Variants in LAMB1 observed in about 807,000 individuals in gnomAD.
LAMB1 encodes laminin subunit beta-1.
A neutral mutation model predicts 222.3 loss-of-function variants in LAMB1; 121 were observed. The observed-to-expected ratio is 0.54, with a 90% CI of 0.47 to 0.63. The LOEUF (loss-of-function observed/expected upper bound fraction) is 0.63. LAMB1 is among the 30% of genes least tolerant of loss of function. The pLI, the probability that LAMB1 is intolerant of heterozygous loss-of-function variation, is 0.00. For missense variants in LAMB1, 2,172 were observed against 2,240.8 expected (o/e 0.97, Z 0.62); for synonymous variants, 794 against 807.2 (o/e 0.98, Z 0.28).
chr7:107,965,566 T>A (rs1249518249), intron 13 of LAMB1, among the ~76,000 whole-genome samples: 1 of 151,054 alleles, frequency 6.6e-6, no homozygotes, highest in East Asian at 2.0e-4. Flanking sequence ...GCAACAAGAG[T>A]GAAACTTCTG....
In LAMB1 at chr7:107,951,143, T is replaced by G. The variant is rs1389824380; in HGVS notation, c.3391+83A>C. 11 of 973,858 alleles carry G rather than the reference T, an allele frequency of 1.1e-5. No individual in the cohort carries two copies. In the East Asian group the frequency reaches 1.7e-4, roughly 15 times the overall value. 60.3% of individuals were successfully genotyped at this position (973,858 alleles called of 1,614,324 possible). On this transcript the variant is annotated intron_variant, in intron 24 of 33. Transcript: ENST00000222399. ...ATAGACACGTTAATTTGTACTGTGT[T>G]TTATAATTTACAGAAGGCTCTTGTA...
At chr7:107,976,992 CCTCCTTCCTTCCTTTCCTCTCT>C (rs1563000212) in intron 9 of LAMB1, among the ~76,000 whole-genome samples, 3 of 90,280 alleles carry the variant, frequency 3.3e-5, no homozygotes, top group Non-Finnish European at 4.8e-5. Flanking sequence ...CTTTCCTCTT[CCTCCTTCCTTCCTTTCCTCTCT>C]CTCCTTCCTT....
At chr7:107,977,927 G>A (rs2033899964) in intron 9 of LAMB1, 120 bp downstream of exon 9, 11 of 1,109,216 alleles carry the variant, frequency 9.9e-6, no homozygotes, top group Non-Finnish European at 1.4e-5. Flanking sequence ...GGGTGAAGCT[G>A]GAAAAAAGAC....
chr7:107,932,376 G>T lies in LAMB1; in HGVS notation c.4190C>A (p.Thr1397Asn). Residue 1397 changes from threonine to asparagine, a missense_variant and splice_region_variant, in exon 28 of 34, where the codon ACC becomes AAC. Physicochemically the swap from Thr to Asn is moderately conservative, Grantham distance 65. Coordinates refer to ENST00000222399, the MANE Select transcript of LAMB1 (RefSeq NM_002291.3). ...SLDLSAAAEM[T>N]CGTPPGASCS... ...GGAGGCCCCTGGGGGTGTTCCACAG[G>T]TCTGCAACAAGCCAAGGATCAGGCA... is the stretch of plus-strand genomic sequence containing the variant. The T allele has an allele frequency of 6.2e-7, 1 of 1,614,166 alleles. No homozygotes were observed. Among genetic ancestry groups the T allele is most frequent in the Non-Finnish European group, 8.5e-7 (1 of 1,179,990 alleles).
At chr7:107,931,248 A>T in intron 29 of LAMB1, 108 bp downstream of exon 29, 48 of 912,826 alleles carry the variant, frequency 5.3e-5, no homozygotes, top group Non-Finnish European at 6.7e-5. Flanking sequence ...CGTTTTTCTT[A>T]TTTGGAAATG....
intron 24 of LAMB1, among the ~76,000 whole-genome samples, chr7:107,949,661 C>T (rs982825116): frequency 6.6e-6 from 1 of 152,196 alleles, no homozygotes; most frequent in African/African-American, 2.4e-5. Context: ...ACATAGCAAA[C>T]ATTATCCCCA....
In LAMB1 at chr7:107,955,597, A is replaced by G. The variant is rs761333592; in HGVS notation, c.2724T>C (p.Ile908=). The G allele has an allele frequency of 6.2e-7, 1 of 1,613,796 alleles. No individual in the cohort carries two copies. Among genetic ancestry groups the G allele is most frequent in the Middle Eastern group, 1.6e-4 (1 of 6,062 alleles). Residue 908 remains isoleucine (I), a synonymous_variant, in exon 21 of 34, where the codon ATT becomes ATC. Coordinates refer to ENST00000222399, the MANE Select transcript of LAMB1 (RefSeq NM_002291.3). The part of the protein sequence containing the change: ...CLAGYYGDPI[I]GSGDHCRPCP... ...AAGGGCGGCAGTGATCTCCTGACCC[A>G]ATGATGGGGTCGCCATAGTAACCAG...
At chr7:107,962,645 C>A in intron 15 of LAMB1, among the ~76,000 whole-genome samples, 1 of 146,042 alleles carries the variant, frequency 6.8e-6, no homozygotes, top group East Asian at 2.0e-4. Flanking sequence ...ACCCGGGAGG[C>A]GGAGATTGCA....
chr7:107,961,472 G>A (rs573558557), intron 16 of LAMB1, 77 bp downstream of exon 16: 1 of 1,583,934 alleles, frequency 6.3e-7, no homozygotes, highest in African/African-American at 1.4e-5. Flanking sequence ...ATGGTGACTT[G>A]AAAACTCGCA....
chr7:107,954,216 A>G (rs1379567005), intron 21 of LAMB1, among the ~76,000 whole-genome samples: 1 of 152,136 alleles, frequency 6.6e-6, no homozygotes, highest in Non-Finnish European at 1.5e-5. Context: ...ATGCAGTGAC[A>G]TGATAATAGC....
Position 107,975,873 on chromosome 7 carries a change from A to G in LAMB1, c.1005T>C (p.Cys335=), listed in dbSNP as rs1288061244. ...EGRNSNACKK[C]NCNEHSISCH... ...AAGAGATGGAATGTTCATTGCAGTT[A>G]CATTCTGCGTGACAAGAGCAACGTC... Residue 335 remains cysteine, a synonymous_variant, in exon 10 of 34, where the codon TGT becomes TGC. Coordinates refer to ENST00000222399, the MANE Select transcript of LAMB1 (RefSeq NM_002291.3). 6.2e-7 allele frequency: 1 copy of G among 1,613,584 alleles called. No individual in the cohort carries two copies. Among genetic ancestry groups the G allele is most frequent in the East Asian group, 2.2e-5 (1 of 44,868 alleles).
At chr7:107,973,770 C>T (rs1046733656) in intron 12 of LAMB1, among the ~76,000 whole-genome samples, 3 of 152,084 alleles carry the variant, frequency 2.0e-5, no homozygotes, top group East Asian at 1.9e-4. Context: ...CTTAGCCTCC[C>T]GAGTAGCTGG....
chr7:107,926,168 C>CAAAG lies in LAMB1; in HGVS notation c.5064+11_5064+14dup. On this transcript the variant is annotated intron_variant, in intron 32 of 33. Transcript: ENST00000222399. Reference sequence around the variant, plus strand: ...CTTTAACAACATAGCTCTGAAATTACAAAGATTTACGTACCTTCTTAACAT... The same window carrying CAAAG: ...CTTTAACAACATAGCTCTGAAATTACAAAGAAAGATTTACGTACCTTCTTAACAT... The CAAAG allele has an allele frequency of 1.2e-6, 2 of 1,606,370 alleles. No homozygotes were observed. Among genetic ancestry groups the CAAAG allele is most frequent in the South Asian group, 2.2e-5 (2 of 90,686 alleles).
intron 23 of LAMB1, among the ~76,000 whole-genome samples, chr7:107,951,732 G>C (rs2033255164): frequency 6.6e-6 from 1 of 152,252 alleles, no homozygotes; most frequent in East Asian, 1.9e-4. Context: ...GTCTGCTTCA[G>C]CGCCCAGGTA....
At chr7:107,950,098 C>T (rs2033208578) in intron 24 of LAMB1, among the ~76,000 whole-genome samples, 2 of 152,074 alleles carry the variant, frequency 1.3e-5, no homozygotes, top group South Asian at 2.1e-4. Context: ...GGCGTGGTGG[C>T]GCTTGCCTGT....
chr7:107,947,354 A>C (rs1416156272), intron 24 of LAMB1, among the ~76,000 whole-genome samples: 6 of 152,248 alleles, frequency 3.9e-5, no homozygotes, highest in African/African-American at 1.4e-4. Context: ...TCTAACAACC[A>C]ATTCAACTGA....
chr7:107,994,067 G>GGT (rs1459121492), intron 5 of LAMB1, among the ~76,000 whole-genome samples: 2 of 152,152 alleles, frequency 1.3e-5, no homozygotes, highest in Non-Finnish European at 2.9e-5. Context: ...ATCCTGAGAG[G>GGT]GTGTAGATAA....
intron 9 of LAMB1, among the ~76,000 whole-genome samples, chr7:107,976,715 T>C (rs1257446885): frequency 6.6e-6 from 1 of 152,198 alleles, no homozygotes; most frequent in Non-Finnish European, 1.5e-5. Flanking sequence ...CTTGGAGTAA[T>C]CCTTCCCAGC....
chr7:107,961,739 C>T, intron 15 of LAMB1, 63 bp from the exon 16 acceptor site: 1 of 1,531,192 alleles, frequency 6.5e-7, no homozygotes, highest in Non-Finnish European at 8.9e-7. Context: ...ATAAAAAGAC[C>T]TCTCTGAATC....
Sources: gnomAD v4.1 joint callset for allele counts (sites outside exome capture counted in the v4.1 genomes callset) on GRCh38, gnomAD v4.1.1 for gene constraint, MANE v1.5 for transcripts, NCBI Gene and HGNC (gene_info 2026-07-23, HGNC 2026-07-21) for gene names.